Variants in WDFY1 observed in about 807,000 individuals in gnomAD.
WDFY1 encodes WD repeat and FYVE domain containing 1, also known as WD repeat and FYVE domain-containing protein 1.
In WDFY1, 32 loss-of-function variants were observed where a neutral mutation model predicts 56.4. That is an observed-to-expected ratio of 0.57 (90% CI 0.43 to 0.76). WDFY1 has a LOEUF of 0.76. Among genes scored for constraint, WDFY1 ranks in the 30% least tolerant of loss-of-function variants. WDFY1 has a pLI of 0.00. For synonymous variants in WDFY1, 192 were observed against 197.3 expected, an observed-to-expected ratio of 0.97 and a Z score of 0.23; for missense variants, 480 against 545.7, an observed-to-expected ratio of 0.88 and a Z score of 1.20.
rs1692951345 is a variant in WDFY1, at chr2:223,875,430, AAC to A, written c.*3239_*3240del. The A allele has an allele frequency of 6.6e-6, 1 of 152,110 alleles. No homozygotes were observed. Among genetic ancestry groups the A allele is most frequent in the South Asian group, 2.1e-4 (1 of 4,830 alleles). The allele number at this position is 152,110 out of a possible 1,614,324, so 9.4% of individuals were successfully genotyped here. A position where few individuals can be genotyped will look rare whatever the true frequency, so the allele number is the denominator to read the frequency against. On this transcript the variant is annotated 3_prime_UTR_variant, in exon 12 of 12. Transcript: ENST00000233055. ...ACAGAACCCACAAATAGGAGCAAAG[AAC>A]AGTTTTCTAGCATCTCTGGGATACA...
intron 1 of WDFY1, among the ~76,000 whole-genome samples, chr2:223,944,905 A>T (rs1443366616): frequency 6.6e-6 from 1 of 150,564 alleles, no homozygotes; most frequent in African/African-American, 2.5e-5. Flanking sequence ...GCGGTGGGAC[A>T]GGGGATCCGG....
rs60759568 is a variant in WDFY1, at chr2:223,884,859, C to CTTCTTTTTT, written c.832-111_832-110insAAAAAAGAA. The CTTCTTTTTT allele has an allele frequency of 8.7e-6, 6 of 689,712 alleles. 1 individual carries two copies. Among genetic ancestry groups the CTTCTTTTTT allele is most frequent in the Non-Finnish European group, 6.7e-6 (3 of 446,156 alleles). The allele number at this position is 689,712 out of a possible 1,614,324, so 42.7% of individuals were successfully genotyped here. A position where few individuals can be genotyped will look rare whatever the true frequency, so the allele number is the denominator to read the frequency against. ...TGCCAAGGTTAGTATTTCTTTTCTTCTTTTTTTTTTTTTTTTGGTCTCCCA... is the reference window on the plus strand; with the variant it reads ...TGCCAAGGTTAGTATTTCTTTTCTTCTTCTTTTTTTTTTTTTTTTTTTTTTGGTCTCCCA... On this transcript the variant is annotated intron_variant, in intron 8 of 11. Coordinates refer to ENST00000233055, the MANE Select transcript of WDFY1 (RefSeq NM_020830.5).
At chr2:223,901,150 GGGGAA>G in intron 5 of WDFY1, 28 bp downstream of exon 5, 1 of 1,596,286 alleles carries the variant, frequency 6.3e-7, no homozygotes, top group East Asian at 2.3e-5. Flanking sequence ...GCAGAGGCCA[GGGGAA>G]GGAGAGGTCC....
chr2:223,940,893 G>A (rs908370131), intron 1 of WDFY1, among the ~76,000 whole-genome samples: 6 of 152,038 alleles, frequency 3.9e-5, no homozygotes, highest in African/African-American at 1.2e-4. Flanking sequence ...CATGATCTCG[G>A]CTCACTTCAA....
intron 2 of WDFY1, among the ~76,000 whole-genome samples, chr2:223,917,297 G>C (rs1693804695): frequency 6.6e-6 from 1 of 152,186 alleles, no homozygotes; most frequent in South Asian, 2.1e-4. Context: ...GGAGGGCACA[G>C]TCCTTTTTTA....
chr2:223,932,858 G>A (rs929849155), intron 1 of WDFY1, among the ~76,000 whole-genome samples: 1 of 115,440 alleles, frequency 8.7e-6, no homozygotes, highest in Non-Finnish European at 1.8e-5. Flanking sequence ...AGTACCTCCA[G>A]GGGATACAGG....
At chr2:223,931,123 G>C (rs1028706196) in intron 1 of WDFY1, among the ~76,000 whole-genome samples, 1 of 152,152 alleles carries the variant, frequency 6.6e-6, no homozygotes, top group Non-Finnish European at 1.5e-5. Flanking sequence ...AAAAGCATTT[G>C]GCATTTATTG....
At chr2:223,910,337 C>A (rs1046283168) in intron 3 of WDFY1, among the ~76,000 whole-genome samples, 3 of 151,510 alleles carry the variant, frequency 2.0e-5, no homozygotes, top group Non-Finnish European at 4.4e-5. Flanking sequence ...TTGATTTACA[C>A]CTATCTTTAC....
At chr2:223,944,976 G>A (rs1488013874) in intron 1 of WDFY1, among the ~76,000 whole-genome samples, 172 bp downstream of exon 1, 14 of 152,130 alleles carry the variant, frequency 9.2e-5, no homozygotes, top group Admixed American at 7.2e-4. Flanking sequence ...GAGGCTGGAG[G>A]ACCGGCGGGA....
rs1693459964 is a variant in WDFY1 at position 223,899,279 on chromosome 2, C to T, written c.486-209G>A. ...ATATTGAAGGTAAAAATTAAAACAG[C>T]TGTTATTACTGAGAAAGTTTATATT... is the stretch of plus-strand genomic sequence containing the variant. On this transcript the variant is annotated intron_variant, in intron 5 of 11. Coordinates refer to ENST00000233055, the MANE Select transcript of WDFY1 (RefSeq NM_020830.5). 6.1e-6 allele frequency: 3 copies of T among 488,854 alleles called. No individual in the cohort carries two copies. The East Asian group carries it at 9.7e-5, about 16-fold the overall frequency. The allele number at this position is 488,854 out of a possible 1,614,324, so 30.3% of individuals were successfully genotyped here. A position where few individuals can be genotyped will look rare whatever the true frequency, so the allele number is the denominator to read the frequency against.
intron 4 of WDFY1, 76 bp from the exon 5 acceptor site, chr2:223,901,409 T>A: frequency 6.5e-7 from 1 of 1,539,052 alleles, no homozygotes. Flanking sequence ...GCTCAACCTC[T>A]CAATCTGCTC....
At chr2:223,890,970 G>C (rs1693264461) in intron 8 of WDFY1, among the ~76,000 whole-genome samples, 1 of 152,188 alleles carries the variant, frequency 6.6e-6, no homozygotes, top group African/African-American at 2.4e-5. Context: ...ACAGTGGGTA[G>C]TAAATGCTCC....
chr2:223,918,661 T>C lies in WDFY1; in HGVS notation c.138-651A>G, dbSNP rs561664181. On this transcript the variant is annotated intron_variant, in intron 1 of 11. Coordinates refer to ENST00000233055, the MANE Select transcript of WDFY1 (RefSeq NM_020830.5). The stretch of plus-strand genomic sequence containing the variant: ...AAAAAAAAAGAAAAACAAATGTTCA[T>C]TACAAAATGACATAGAAAGAAAACA... Among the ~76,000 whole-genome samples, 3 of 152,108 alleles carry C rather than the reference T, an allele frequency of 2.0e-5. No homozygotes were observed. The South Asian group carries it at 6.2e-4, about 32-fold the overall frequency.
At chr2:223,931,137 G>A (rs1418560023) in intron 1 of WDFY1, among the ~76,000 whole-genome samples, 1 of 152,230 alleles carries the variant, frequency 6.6e-6, no homozygotes, top group African/African-American at 2.4e-5. Context: ...TTTATTGAAT[G>A]CCAAGGATTT....
chr2:223,927,918 G>A (rs531267115), intron 1 of WDFY1, among the ~76,000 whole-genome samples: 19 of 152,186 alleles, frequency 1.2e-4, no homozygotes, highest in Non-Finnish European at 2.2e-4. Context: ...AAGGAGGCCT[G>A]GGGGGAAAGG....
intron 2 of WDFY1, among the ~76,000 whole-genome samples, chr2:223,916,400 C>T (rs1443009182): frequency 2.0e-5 from 3 of 152,176 alleles, no homozygotes; most frequent in African/African-American, 7.2e-5. Flanking sequence ...CCCTGGAATA[C>T]CTCTTAAGAA....
intron 8 of WDFY1, among the ~76,000 whole-genome samples, chr2:223,885,329 C>CA (rs759404871): frequency 2.6e-5 from 4 of 151,896 alleles, no homozygotes; most frequent in Non-Finnish European, 4.4e-5. Context: ...TAGCTGGGAC[C>CA]ACAGGTGAGT....
intron 1 of WDFY1, among the ~76,000 whole-genome samples, chr2:223,940,697 C>A (rs1689286898): frequency 6.6e-6 from 1 of 151,156 alleles, no homozygotes; most frequent in African/African-American, 2.4e-5. Flanking sequence ...GGCTGGAGTG[C>A]AGTGGCGTGA....
intron 6 of WDFY1, among the ~76,000 whole-genome samples, chr2:223,897,100 C>A (rs1693393848): frequency 6.6e-6 from 1 of 151,970 alleles, no homozygotes; most frequent in African/African-American, 2.4e-5. Context: ...TCCATTTCAC[C>A]TAAATAGATT....
Sources: gnomAD v4.1 joint callset for allele counts (sites outside exome capture counted in the v4.1 genomes callset) on GRCh38, gnomAD v4.1.1 for gene constraint, MANE v1.5 for transcripts, NCBI Gene and HGNC (gene_info 2026-07-23, HGNC 2026-07-21) for gene names.